The following MBOAT2 variants were observed in gnomAD, a reference collection of about 807,000 sequenced individuals.
MBOAT2 encodes the protein membrane bound glycerophospholipid O-acyltransferase 2.
In MBOAT2, 28 loss-of-function variants were observed where a neutral mutation model predicts 63.4. That is an observed-to-expected ratio of 0.44 (90% confidence interval 0.33 to 0.61). MBOAT2 has a LOEUF of 0.61. Among genes scored for constraint, MBOAT2 ranks in the 20% least tolerant of loss-of-function variants. The pLI is 0.03. For missense variants in MBOAT2, 470 were observed against 605.8 expected, an observed-to-expected ratio of 0.78 and a Z score of 2.35; for synonymous variants, 211 against 215.6, an observed-to-expected ratio of 0.98 and a Z score of 0.19.
intron 1 of MBOAT2, among the ~76,000 whole-genome samples, chr2:8,984,650 T>C (rs1003194606): frequency 2.0e-5 from 3 of 151,700 alleles, no homozygotes; most frequent in Non-Finnish European, 2.9e-5. Flanking sequence ...GCTCTAAAAA[T>C]AAATAAAGAA....
intron 1 of MBOAT2, among the ~76,000 whole-genome samples, chr2:8,996,107 C>T (rs559426368): frequency 1.3e-5 from 2 of 152,270 alleles, no homozygotes; most frequent in South Asian, 4.1e-4. Flanking sequence ...GTCTCAGAGC[C>T]ACACTTTAAA....
rs201484118 is a variant in MBOAT2, at chr2:8,943,249, A to G, written c.237T>C (p.Phe79=). ...AGTAGGAAATTCCACTTTGTACAAG[A>G]AAGTGTAAGGCATACCTATAAAAAG... ...LFCFGWYALH[F]LVQSGISYCI... Residue 79 remains phenylalanine (F), a synonymous_variant, in exon 3 of 13, where the codon TTT becomes TTC. Transcript: ENST00000305997. 1.5e-4 allele frequency: 232 copies of G among 1,583,286 alleles called. 1 individual carries two copies. Among genetic ancestry groups the G allele is most frequent in the Non-Finnish European group, 1.6e-4 (181 of 1,160,514 alleles).
intron 2 of MBOAT2, among the ~76,000 whole-genome samples, chr2:8,954,215 A>G (rs1264226728): frequency 1.3e-5 from 2 of 151,936 alleles, no homozygotes; most frequent in Middle Eastern, 3.2e-3. Context: ...GGCAGGTTTT[A>G]TATCAGGCTG....
Position 8,908,787 on chromosome 2 carries a change from T to C in MBOAT2, c.300-71A>G, listed in dbSNP as rs191123298. 108 of 839,978 alleles carry C rather than the reference T, an allele frequency of 1.3e-4. 1 individual carries two copies. Among genetic ancestry groups the C allele is most frequent in the East Asian group, 3.4e-4 (13 of 38,198 alleles). The allele number at this position is 839,978 out of a possible 1,614,324, so 52.0% of individuals were successfully genotyped here. A position where few individuals can be genotyped will look rare whatever the true frequency, so the allele number is the denominator to read the frequency against. On this transcript the variant is annotated intron_variant, in intron 3 of 12. Coordinates refer to ENST00000305997, the MANE Select transcript of MBOAT2 (RefSeq NM_138799.4). ...TGTTAAAGAGTACATTTTAAAGTAA[T>C]TTATTAGCTAAATGATATGGTTCAG...
intron 2 of MBOAT2, among the ~76,000 whole-genome samples, chr2:8,950,738 G>A (rs1009167032): frequency 2.6e-5 from 4 of 152,102 alleles, no homozygotes; most frequent in Non-Finnish European, 5.9e-5. Context: ...AATGCTTCCA[G>A]TTTTTGCCCA....
chr2:8,899,761 C>G (rs186207531), intron 4 of MBOAT2, among the ~76,000 whole-genome samples: 56 of 150,846 alleles, frequency 3.7e-4, no homozygotes, highest in African/African-American at 1.3e-3. Context: ...TTTCTGTCCT[C>G]TCTGAACCAC....
At chr2:8,860,923 G>A (rs926837266) in intron 11 of MBOAT2, 159 bp from the exon 12 acceptor site, 28 of 575,126 alleles carry the variant, frequency 4.9e-5, no homozygotes, top group Admixed American at 2.1e-4. Context: ...GATAAAGTTC[G>A]TTCTAAAAAA....
intron 1 of MBOAT2, among the ~76,000 whole-genome samples, chr2:8,998,995 T>C (rs1672502546): frequency 6.6e-6 from 1 of 152,216 alleles, no homozygotes; most frequent in Non-Finnish European, 1.5e-5. Context: ...AATAATATAA[T>C]CTGTGTGAAA....
In MBOAT2 at chr2:8,860,963, A is replaced by G. The variant is rs1661451455; in HGVS notation, c.1186-199T>C. The G allele has an allele frequency of 8.0e-6, 3 of 374,182 alleles. No homozygotes were observed. In the Admixed American group the frequency reaches 1.4e-4, roughly 18 times the overall value. 23.2% of individuals were successfully genotyped at this position (374,182 alleles called of 1,614,324 possible). A position where few individuals can be genotyped will look rare whatever the true frequency, so the allele number is the denominator to read the frequency against. ...ATACACATTGTACACACTGTGTATA[A>G]AAGACAGAGAGAGGGGAGATGAGGA... On this transcript the variant is annotated intron_variant, in intron 11 of 12. Transcript: ENST00000305997.
At chr2:8,971,823 C>T (rs1255805477) in intron 1 of MBOAT2, among the ~76,000 whole-genome samples, 1 of 152,100 alleles carries the variant, frequency 6.6e-6, no homozygotes, top group African/African-American at 2.4e-5. Flanking sequence ...ATGTGAAGGA[C>T]CTCTTCAAGG....
chr2:8,928,191 T>TG lies in MBOAT2; in HGVS notation c.299+14995dup, dbSNP rs1243935808. 5.9e-5 allele frequency among the ~76,000 whole-genome samples: 9 copies of TG among 152,032 alleles called. No individual in the cohort carries two copies. In the East Asian group the frequency reaches 1.7e-3, roughly 29 times the overall value. On this transcript the variant is annotated intron_variant, in intron 3 of 12. Transcript: ENST00000305997. The stretch of plus-strand genomic sequence containing the variant: ...TCCCACCAGGCCCCACCTCCAACAC[T>TG]GGGGGTTACATTTCAACATGAGATT...
At chr2:8,923,165 G>A (rs1327237100) in intron 3 of MBOAT2, among the ~76,000 whole-genome samples, 1 of 152,198 alleles carries the variant, frequency 6.6e-6, no homozygotes, top group Non-Finnish European at 1.5e-5. Context: ...TTATGGTAGG[G>A]ACTACATCTT....
At chr2:8,938,573 G>A (rs1667826175) in intron 3 of MBOAT2, among the ~76,000 whole-genome samples, 1 of 150,768 alleles carries the variant, frequency 6.6e-6, no homozygotes, top group African/African-American at 2.4e-5. Flanking sequence ...TGTGTCTCAG[G>A]CCACATTTCA....
chr2:8,862,733 T>C lies in MBOAT2; in HGVS notation c.1053-11A>G, dbSNP rs2148508913. On this transcript the variant is annotated splice_polypyrimidine_tract_variant and intron_variant, in intron 10 of 12. Transcript: ENST00000305997. The surrounding 1 kb of genome is among the most constrained non-coding windows in gnomAD (Gnocchi z 4.3). ...CGTTCATAACACACCCTAGAAACCATGAAAAACATGGAGAGCCAAGTGGAG... is the reference window on the plus strand; with the variant it reads ...CGTTCATAACACACCCTAGAAACCACGAAAAACATGGAGAGCCAAGTGGAG... 4.4e-6 allele frequency: 7 copies of C among 1,602,418 alleles called. No individual in the cohort carries two copies. The highest frequency in any genetic ancestry group is 1.7e-4 in the Middle Eastern group (1 of 5,986).
chr2:8,919,730 T>C (rs1449920504), intron 3 of MBOAT2, among the ~76,000 whole-genome samples: 4 of 152,128 alleles, frequency 2.6e-5, no homozygotes, highest in Non-Finnish European at 5.9e-5. Flanking sequence ...AATACGAGTA[T>C]TCAATTTTTT....
At chr2:8,992,833 G>A (rs568071363) in intron 1 of MBOAT2, among the ~76,000 whole-genome samples, 2 of 152,308 alleles carry the variant, frequency 1.3e-5, no homozygotes, top group Admixed American at 6.5e-5. Context: ...CTGGCTGGTC[G>A]CCTGGCTCAG....
chr2:8,958,454 T>G (rs202134664), intron 2 of MBOAT2, 43 bp downstream of exon 2: 1 of 1,518,864 alleles, frequency 6.6e-7, no homozygotes, highest in East Asian at 2.3e-5. Context: ...CTCAAATACA[T>G]CCAAATAGTC....
rs182771458 is a variant in MBOAT2 at position 8,951,355 on chromosome 2, T to C, written c.221+7142A>G. Among the ~76,000 whole-genome samples the C allele has an allele frequency of 1.8e-3, 281 of 152,124 alleles. 1 individual carries two copies. The highest frequency in any genetic ancestry group is 6.5e-3 in the African/African-American group (268 of 41,536). On this transcript the variant is annotated intron_variant, in intron 2 of 12. Coordinates refer to ENST00000305997, the MANE Select transcript of MBOAT2 (RefSeq NM_138799.4). ...GAGTAGCTGGGATTACAGACATGTG[T>C]CACCACACCTGGCTAATTTTTGTGT...
At chr2:8,921,214 T>C (rs1433782083) in intron 3 of MBOAT2, among the ~76,000 whole-genome samples, 1 of 152,184 alleles carries the variant, frequency 6.6e-6, no homozygotes, top group Non-Finnish European at 1.5e-5. Context: ...TTTTAATTCC[T>C]CTGTTGATTC....
Sources: gnomAD v4.1 joint callset for allele counts (sites outside exome capture counted in the v4.1 genomes callset) on GRCh38, gnomAD v4.1.1 for gene constraint, Gnocchi (gnomAD v3.1) non-coding constraint, MANE v1.5 for transcripts, NCBI Gene and HGNC (gene_info 2026-07-23, HGNC 2026-07-21) for gene names.